KIAA1549L: variants seen among roughly 807,000 people sequenced by gnomAD.
KIAA1549L encodes the protein KIAA1549 like.
Under a neutral mutation model 160.7 loss-of-function variants are expected in KIAA1549L, and 88 were observed. The observed-to-expected ratio is 0.55, with a 90% CI of 0.46 to 0.65. The LOEUF is 0.65. Ranked by LOEUF, KIAA1549L falls within the 30% of genes least tolerant of loss-of-function variation. KIAA1549L has a pLI of 0.00. For missense variants in KIAA1549L, 2,258 were observed against 2,437.5 expected (o/e 0.93, Z 1.55); for synonymous variants, 950 against 976.7 (o/e 0.97, Z 0.51).
rs528027871 is a variant in KIAA1549L, at chr11:33,658,769, A to G, written c.5878A>G (p.Ser1960Gly). Residue 1960 changes from serine to glycine, a missense_variant, in exon 19 of 21, where the codon AGC (serine) becomes GGC (glycine). Around this residue, in one of 6 missense-constraint regions of KIAA1549L, gnomAD observed 1,359 missense variants for 1,546.6 expected, o/e 0.88. Coordinates refer to ENST00000658780, the MANE Select transcript of KIAA1549L (RefSeq NM_012194.3). ...ATCTAGATCCACCTCAGACATCGGC[A>G]GCAAGACCAGAATGGCCGAGTCTAC... is the stretch of plus-strand genomic sequence containing the variant. ...SLRRSTSDIG[S>G]KTRMAESTGP... is the part of the protein sequence containing the mutation. 3.2e-6 allele frequency: 5 copies of G among 1,572,966 alleles called. No individual in the cohort carries two copies. The South Asian group carries it at 5.9e-5, about 19-fold the overall frequency.
chr11:33,624,577 A>G (rs995283902), intron 16 of KIAA1549L, among the ~76,000 whole-genome samples: 3 of 152,076 alleles, frequency 2.0e-5, no homozygotes, highest in African/African-American at 7.2e-5. Flanking sequence ...AAGAAAAAGG[A>G]AAAAAAACTT....
At chr11:33,642,557 C>T (rs1379137620) in intron 16 of KIAA1549L, among the ~76,000 whole-genome samples, 1 of 135,398 alleles carries the variant, frequency 7.4e-6, no homozygotes, top group East Asian at 2.1e-4. Flanking sequence ...AAACTAATTC[C>T]GATTGGCTGA....
rs1341361439 is a variant in KIAA1549L at position 33,441,618 on chromosome 11, T to G, written c.238+64729T>G. 9.9e-4 allele frequency among the ~76,000 whole-genome samples: 151 copies of G among 152,144 alleles called. 1 individual carries two copies. The highest frequency in any genetic ancestry group is 1.5e-3 in the African/African-American group (64 of 41,494). On this transcript the variant is annotated intron_variant, in intron 1 of 20. Coordinates refer to ENST00000658780, the MANE Select transcript of KIAA1549L (RefSeq NM_012194.3). The stretch of plus-strand genomic sequence containing the variant: ...CTTTTTAATGATTGCCATTCTAACT[T>G]GTGTGAGATGGTATCTCATTGTGGT...
At position 33,642,425 on chromosome 11, in the gene KIAA1549L, A is replaced by G. The variant is rs568355652; in HGVS notation, c.5410-3261A>G. 6.6e-5 allele frequency among the ~76,000 whole-genome samples: 10 copies of G among 152,326 alleles called. No homozygotes were observed. In the East Asian group the frequency reaches 1.9e-3, roughly 29 times the overall value. On this transcript the variant is annotated intron_variant, in intron 16 of 20. Transcript: ENST00000658780. ...TACTTCTATAGAAGGGTGCACCCTT[A>G]TAGATGGAGCAATGGTGAGCGCACA...
In KIAA1549L at chr11:33,658,826, G is replaced by A. The variant is rs1425281539; in HGVS notation, c.5935G>A (p.Ala1979Thr). The change falls in exon 19 of 21, where the codon GCC (alanine) becomes ACC (threonine). Residue 1979 changes from alanine (A) to threonine (T), a missense_variant. Coordinates refer to ENST00000658780, the MANE Select transcript of KIAA1549L (RefSeq NM_012194.3). ...GPEPAQLHDS[A>T]SFTQMSRGPV... ...CGAGCCGGCCCAGCTGCACGACAGCGCCTCCTTCACGCAGATGTCCAGAGG... is the reference window on the plus strand; with the variant it reads ...CGAGCCGGCCCAGCTGCACGACAGCACCTCCTTCACGCAGATGTCCAGAGG... The A allele has an allele frequency of 6.4e-7, 1 of 1,564,642 alleles. No individual in the cohort carries two copies. Among genetic ancestry groups the A allele is most frequent in the Non-Finnish European group, 8.7e-7 (1 of 1,154,770 alleles).
At chr11:33,647,416 T>A (rs1188007016) in intron 17 of KIAA1549L, among the ~76,000 whole-genome samples, 1 of 151,506 alleles carries the variant, frequency 6.6e-6, no homozygotes, top group East Asian at 1.9e-4. Context: ...ATTGTGATTA[T>A]TTATTAAGTA....
At chr11:33,519,040 TCATTTTCA>T (rs1853421284) in intron 1 of KIAA1549L, among the ~76,000 whole-genome samples, 1 of 152,222 alleles carries the variant, frequency 6.6e-6, no homozygotes, top group African/African-American at 2.4e-5. Context: ...CAACCTGTAC[TCATTTTCA>T]CATGTGTAGC....
intron 16 of KIAA1549L, among the ~76,000 whole-genome samples, chr11:33,629,547 A>G (rs976128429): frequency 2.6e-5 from 4 of 151,248 alleles, no homozygotes; most frequent in Admixed American, 6.6e-5. Flanking sequence ...TTCATCTTCC[A>G]TCGCTGATAC....
At chr11:33,624,777 CT>C (rs1269234836) in intron 16 of KIAA1549L, among the ~76,000 whole-genome samples, 1 of 139,938 alleles carries the variant, frequency 7.1e-6, no homozygotes, top group East Asian at 2.1e-4. Context: ...TATTATTATA[CT>C]TTAAGTTTTA....
intron 1 of KIAA1549L, among the ~76,000 whole-genome samples, chr11:33,453,355 A>G (rs1851759689): frequency 6.6e-6 from 1 of 152,160 alleles, no homozygotes; most frequent in South Asian, 2.1e-4. Context: ...ATAATTAGCA[A>G]AGTAAGACTG....
At chr11:33,517,874 G>A (rs746039443) in intron 1 of KIAA1549L, among the ~76,000 whole-genome samples, 49 of 152,174 alleles carry the variant, frequency 3.2e-4, no homozygotes, top group Non-Finnish European at 6.6e-4. Context: ...AGGCGCGGTG[G>A]CTCACACCTG....
At chr11:33,467,331 T>G (rs1852084537) in intron 1 of KIAA1549L, among the ~76,000 whole-genome samples, 1 of 152,124 alleles carries the variant, frequency 6.6e-6, no homozygotes, top group African/African-American at 2.4e-5. Flanking sequence ...ATGTTGTGAT[T>G]AACAAGTAGG....
rs781207358 is a variant in KIAA1549L at position 33,667,398 on chromosome 11, C to CTT, written c.6160-464_6160-463dup. Among the ~76,000 whole-genome samples the CTT allele has an allele frequency of 7.3e-3, 1,064 of 144,830 alleles. 4 individuals are homozygous for CTT. Among genetic ancestry groups the CTT allele is most frequent in the Non-Finnish European group, 0.012 (806 of 65,478 alleles). Reference sequence around the variant, plus strand: ...TATCTAGTGAGTGAGTCCAAATTACCTTTTTTTTTTTTGAGACGGAGTCTC... The same window carrying CTT: ...TATCTAGTGAGTGAGTCCAAATTACCTTTTTTTTTTTTTTGAGACGGAGTCTC... On this transcript the variant is annotated intron_variant, in intron 20 of 20. Coordinates refer to ENST00000658780, the MANE Select transcript of KIAA1549L (RefSeq NM_012194.3).
chr11:33,544,209 T>C lies in KIAA1549L; in HGVS notation c.2646T>C (p.Asn882=), dbSNP rs1854148211. ...ACATCAATTCATCACCTGAGAGAAATGCTTCCACACCATTCCAGAACATCT... is the reference window on the plus strand; with the variant it reads ...ACATCAATTCATCACCTGAGAGAAACGCTTCCACACCATTCCAGAACATCT... The part of the protein sequence containing the change: ...SSDINSSPER[N]ASTPFQNILG... The change falls in exon 2 of 21, where the codon AAT becomes AAC. Residue 882 remains asparagine, a synonymous_variant. Transcript: ENST00000658780. The C allele has an allele frequency of 6.2e-7, 1 of 1,614,026 alleles. No individual in the cohort carries two copies. Among genetic ancestry groups the C allele is most frequent in the East Asian group, 2.2e-5 (1 of 44,888 alleles).
At chr11:33,407,267 G>A (rs148706203) in intron 1 of KIAA1549L, among the ~76,000 whole-genome samples, 122 of 150,844 alleles carry the variant, frequency 8.1e-4, no homozygotes, top group African/African-American at 2.7e-3. Context: ...TGTATTTTTA[G>A]TAGAGACGGC....
chr11:33,570,731 C>T (rs1239515595), intron 9 of KIAA1549L, among the ~76,000 whole-genome samples: 1 of 152,120 alleles, frequency 6.6e-6, no homozygotes, highest in Non-Finnish European at 1.5e-5. Flanking sequence ...CTTAAGTTGA[C>T]ATATTTGAAA....
At chr11:33,441,122 C>T (rs1487421476) in intron 1 of KIAA1549L, among the ~76,000 whole-genome samples, 17 of 150,388 alleles carry the variant, frequency 1.1e-4, no homozygotes, top group Middle Eastern at 3.4e-3. Context: ...TTCCCGTGTC[C>T]ATGTGTTCTC....
chr11:33,555,706 CT>C (rs1302263299), intron 6 of KIAA1549L, among the ~76,000 whole-genome samples: 2 of 152,130 alleles, frequency 1.3e-5, no homozygotes, highest in African/African-American at 4.8e-5. Flanking sequence ...AACCGTAGGA[CT>C]TTTATGGGAA....
intron 1 of KIAA1549L, among the ~76,000 whole-genome samples, chr11:33,415,830 G>A (rs1474699180): frequency 6.6e-6 from 1 of 151,970 alleles, no homozygotes; most frequent in African/African-American, 2.4e-5. Flanking sequence ...TTGAGACGGA[G>A]TTTCACTCTT....
Sources: gnomAD v4.1 joint callset for allele counts (sites outside exome capture counted in the v4.1 genomes callset) on GRCh38, gnomAD v4.1.1 for gene constraint, gnomAD v4.1.1 regional missense constraint, MANE v1.5 for transcripts, NCBI Gene and HGNC (gene_info 2026-07-23, HGNC 2026-07-21) for gene names.